Variants in TRIM15 observed in about 807,000 individuals in gnomAD.
TRIM15 encodes the protein tripartite motif containing 15, also known as E3 ubiquitin-protein ligase TRIM15.
Under a neutral mutation model 35.8 loss-of-function variants are expected in TRIM15, and 35 were observed. That is an observed-to-expected ratio of 0.98 (90% CI 0.75 to 1.30). The LOEUF is 1.30. Ranked by LOEUF, TRIM15 falls within the 50% of genes most tolerant of loss-of-function variation. The pLI, the probability that TRIM15 is intolerant of heterozygous loss-of-function variation, is 0.00. For missense variants in TRIM15, 590 were observed against 593.5 expected (o/e 0.99, Z 0.06); for synonymous variants, 252 against 249.8 (o/e 1.01, Z -0.08).
rs1774120561 is a variant in TRIM15 at position 30,172,578 on chromosome 6, A to G, written c.*229A>G. The G allele has an allele frequency of 1.6e-5, 12 of 742,036 alleles. No homozygotes were observed. Among genetic ancestry groups the G allele is most frequent in the Non-Finnish European group, 2.6e-5 (11 of 423,684 alleles). The allele number at this position is 742,036 out of a possible 1,614,324, so 46.0% of individuals were successfully genotyped here. A position where few individuals can be genotyped will look rare whatever the true frequency, so the allele number is the denominator to read the frequency against. ...TGGCCTTCTCTGTACCTCAGAGTGC[A>G]GAACCACAGACGGCTTCGGCTGTGC... On this transcript the variant is annotated 3_prime_UTR_variant, in exon 7 of 7. Transcript: ENST00000376694.
At position 30,172,167 on chromosome 6, in the gene TRIM15, C is replaced by A. The variant is rs745378049; in HGVS notation, c.1216C>A (p.Leu406Met). 1.0e-4 allele frequency: 166 copies of A among 1,600,450 alleles called. No homozygotes were observed. The highest frequency in any genetic ancestry group is 1.4e-4 in the Non-Finnish European group (161 of 1,174,192). The change falls in exon 7 of 7, where the codon CTG becomes ATG. Residue 406 changes from leucine to methionine, a missense_variant. By Grantham distance (15) the Leu-to-Met change is conservative. Transcript: ENST00000376694. The part of the protein sequence containing the change: ...CWASTSPGTD[L>M]PLSEIPRGVR... ...GGCCAGCACCTCCCCGGGCACCGACCTGCCGCTGAGCGAGATCCCGCGCGG... is the reference window on the plus strand; with the variant it reads ...GGCCAGCACCTCCCCGGGCACCGACATGCCGCTGAGCGAGATCCCGCGCGG...
Position 30,168,374 on chromosome 6 carries a change from A to C in TRIM15, c.552A>C (p.Arg184=). ...TGCAGCAGGAGCTGGAGCAGCAGCG[A>C]TGTCTCCTGCTGGCCAGGCTGAGGG... The part of the protein sequence containing the change: ...ERLQQELEQQ[R]CLLLARLREL... The change falls in exon 3 of 7, where the codon CGA becomes CGC. Residue 184 remains arginine, a synonymous_variant. Transcript: ENST00000376694. 14 of 1,613,026 alleles carry C rather than the reference A, an allele frequency of 8.7e-6. No individual in the cohort carries two copies. Among genetic ancestry groups the C allele is most frequent in the Non-Finnish European group, 1.0e-5 (12 of 1,180,026 alleles).
In TRIM15 at chr6:30,163,743, C is replaced by G; in HGVS notation, c.59C>G (p.Ala20Gly). The change falls in exon 1 of 7, where the codon GCG becomes GGG. Residue 20 changes from alanine to glycine, a missense_variant. Physicochemically the swap from Ala to Gly is moderately conservative, Grantham distance 60 (BLOSUM62 0). Transcript: ENST00000376694. ...GAGCTGCCTGCCTGTACCCTCTGTG[C>G]GGGGCCGCTGGAGGATGCGGTGACC... Reference protein sequence around the residue: ...VHELPACTLCAGPLEDAVTIP... With the variant: ...VHELPACTLCGGPLEDAVTIP... 1 of 1,612,866 alleles carries G rather than the reference C, an allele frequency of 6.2e-7. No individual in the cohort carries two copies. Among genetic ancestry groups the G allele is most frequent in the Non-Finnish European group, 8.5e-7 (1 of 1,179,992 alleles).
chr6:30,171,229 G>A (rs1773994872), intron 6 of TRIM15: 2 of 484,850 alleles, frequency 4.1e-6, no homozygotes, highest in Non-Finnish European at 7.2e-6. Flanking sequence ...TGTCCCATAA[G>A]TAGCTGTGAG....
Position 30,168,435 on chromosome 6 carries a change from T to C in TRIM15, c.613T>C (p.Tyr205His). The change falls in exon 3 of 7, where the codon TAT (tyrosine) becomes CAT (histidine). Residue 205 changes from tyrosine to histidine, a missense_variant. By Grantham distance (83) the Tyr-to-His change is moderately conservative. Transcript: ENST00000376694. The part of the protein sequence containing the change: ...EQQIWKERDE[Y>H]ITKVSEEVTR... ...GCAGATTTGGAAGGAGAGGGATGAATATATCACAAAGGTCTCTGAGGAAGT... is the reference window on the plus strand; with the variant it reads ...GCAGATTTGGAAGGAGAGGGATGAACATATCACAAAGGTCTCTGAGGAAGT... 1 of 1,612,424 alleles carries C rather than the reference T, an allele frequency of 6.2e-7. No homozygotes were observed. Among genetic ancestry groups the C allele is most frequent in the Non-Finnish European group, 8.5e-7 (1 of 1,179,756 alleles).
rs1773840988 is a variant in TRIM15, at chr6:30,169,239, A to G, written c.709-2A>G. ...ATGTATGTTCTTGTCTTTCTTTTGC[A>G]GGATGTCAGAGTCAACCAGAGCAGG... is the stretch of plus-strand genomic sequence containing the variant. On this transcript the variant is annotated splice_acceptor_variant, in intron 3 of 6. Coordinates refer to ENST00000376694, the MANE Select transcript of TRIM15 (RefSeq NM_033229.3). LOFTEE classifies it high-confidence loss of function. 1 of 1,613,206 alleles carries G rather than the reference A, an allele frequency of 6.2e-7. No homozygotes were observed. Among genetic ancestry groups the G allele is most frequent in the Non-Finnish European group, 8.5e-7 (1 of 1,180,028 alleles).
intron 3 of TRIM15, 66 bp downstream of exon 3, chr6:30,168,596 T>G: frequency 6.9e-7 from 1 of 1,441,280 alleles, no homozygotes; most frequent in Non-Finnish European, 9.5e-7. Context: ...GTGGGCACCA[T>G]GCTTTGGGCT....
chr6:30,164,156 G>C (rs757929472), intron 1 of TRIM15, 91 bp downstream of exon 1: 2 of 1,505,238 alleles, frequency 1.3e-6, no homozygotes, highest in South Asian at 1.3e-5. Context: ...TGGATGAAAG[G>C]CTTCCACATC....
At chr6:30,169,192 A>T in intron 3 of TRIM15, 49 bp from the exon 4 acceptor site, 1 of 1,611,480 alleles carries the variant, frequency 6.2e-7, no homozygotes, top group South Asian at 1.1e-5. Flanking sequence ...AATCCCTGAC[A>T]GGAAGGACTT....
In TRIM15 at chr6:30,172,318, A is replaced by C; in HGVS notation, c.1367A>C (p.Lys456Thr). The C allele has an allele frequency of 6.2e-7, 1 of 1,611,922 alleles. No homozygotes were observed. Among genetic ancestry groups the C allele is most frequent in the South Asian group, 1.1e-5 (1 of 90,984 alleles). The change falls in exon 7 of 7, where the codon AAA (lysine) becomes ACA (threonine). Residue 456 changes from lysine to threonine, a missense_variant. Transcript: ENST00000376694. ...GKVFPFFAVW[K>T]KGSCLTLKG is the part of the protein sequence containing the mutation. Reference sequence around the variant, plus strand: ...GTCTTCCCTTTCTTTGCCGTCTGGAAAAAAGGTTCCTGCCTTACGCTGAAA... The same window carrying C: ...GTCTTCCCTTTCTTTGCCGTCTGGACAAAAGGTTCCTGCCTTACGCTGAAA...
rs189710513 is a variant in TRIM15 at position 30,166,003 on chromosome 6, G to T, written c.382-1173G>T. Among the ~76,000 whole-genome samples, 5 of 152,216 alleles carry T rather than the reference G, an allele frequency of 3.3e-5. No homozygotes were observed. The East Asian group carries it at 9.7e-4, about 29-fold the overall frequency. ...AGTTCTTTGTAGATTTTGGATATTA[G>T]CCCTTTGTCAGATGGATAGATTGCA... On this transcript the variant is annotated intron_variant, in intron 1 of 6. Transcript: ENST00000376694.
chr6:30,165,082 A>G (rs1773497455), intron 1 of TRIM15, among the ~76,000 whole-genome samples: 1 of 151,234 alleles, frequency 6.6e-6, no homozygotes, highest in Non-Finnish European at 1.5e-5. Flanking sequence ...TTTTAAGTAT[A>G]CAATTCAGGG....
At chr6:30,167,459 T>G (rs573810618) in intron 2 of TRIM15, among the ~76,000 whole-genome samples, 188 bp downstream of exon 2, 68 of 152,346 alleles carry the variant, frequency 4.5e-4, no homozygotes, top group South Asian at 1.0e-3. Context: ...TCTGATGTCT[T>G]GCAATCCAAG....
Position 30,163,554 on chromosome 6 carries a change from T to TCTTTCTCTCTCTGTCTC in TRIM15, c.-131_-130insCTTTCTCTCTCTGTCTC. 8.8e-7 allele frequency: 1 copy of TCTTTCTCTCTCTGTCTC among 1,136,860 alleles called. No homozygotes were observed. The highest frequency in any genetic ancestry group is 1.2e-6 in the Non-Finnish European group (1 of 850,340). The allele number at this position is 1,136,860 out of a possible 1,614,324, so 70.4% of individuals were successfully genotyped here. A position where few individuals can be genotyped will look rare whatever the true frequency, so the allele number is the denominator to read the frequency against. On this transcript the variant is annotated 5_prime_UTR_variant, in exon 1 of 7. Transcript: ENST00000376694. ...CTGGCATTCTTGCCTCTCTCTCTCTTTCTCTCTCTCTGTCTCTTAGCCTTG... is the reference window on the plus strand; with the variant it reads ...CTGGCATTCTTGCCTCTCTCTCTCTTCTTTCTCTCTCTGTCTCTCTCTCTCTCTGTCTCTTAGCCTTG...
At chr6:30,166,698 A>G (rs533480287) in intron 1 of TRIM15, among the ~76,000 whole-genome samples, 18 of 152,138 alleles carry the variant, frequency 1.2e-4, no homozygotes, top group African/African-American at 4.3e-4. Context: ...TTTGGGCAGT[A>G]TGGCCATTTT....
chr6:30,164,395 G>A (rs1211918403), intron 1 of TRIM15, among the ~76,000 whole-genome samples: 1 of 152,148 alleles, frequency 6.6e-6, no homozygotes, highest in South Asian at 2.1e-4. Context: ...GGGTAAACTT[G>A]TTCTCCCAGG....
chr6:30,172,269 T>C lies in TRIM15; in HGVS notation c.1318T>C (p.Phe440Leu), dbSNP rs541125510. ...NAQTQEPIFT[F>L]TASFSGKVFP... ...CCAGACCCAGGAGCCCATCTTCACC[T>C]TCACTGCCTCTTTCTCCGGCAAAGT... Residue 440 changes from phenylalanine to leucine, a missense_variant, in exon 7 of 7, where the codon TTC becomes CTC. Physicochemically the swap from Phe to Leu is conservative, Grantham distance 22. Coordinates refer to ENST00000376694, the MANE Select transcript of TRIM15 (RefSeq NM_033229.3). 9.3e-6 allele frequency: 15 copies of C among 1,612,902 alleles called. No individual in the cohort carries two copies. The Admixed American group carries it at 2.2e-4, about 23-fold the overall frequency.
rs1351659184 is a variant in TRIM15 at position 30,168,308 on chromosome 6, C to T, written c.486C>T (p.Ile162=). The change falls in exon 3 of 7, where the codon ATC becomes ATT. Residue 162 remains isoleucine, a synonymous_variant. Coordinates refer to ENST00000376694, the MANE Select transcript of TRIM15 (RefSeq NM_033229.3). ...DQKLQVLLTQ[I]ESKKHQVETA... is the part of the protein sequence containing the mutation. ...CCTTTTATCCCTTGAAGACTCAGAT[C>T]GAAAGCAAGAAGCATCAGGTGGAAA... 9.3e-6 allele frequency: 15 copies of T among 1,612,388 alleles called. No individual in the cohort carries two copies. The African/African-American group carries it at 1.6e-4, about 17-fold the overall frequency.
Position 30,172,219 on chromosome 6 carries a change from C to G in TRIM15, c.1268C>G (p.Ala423Gly). The G allele has an allele frequency of 1.2e-6, 2 of 1,611,860 alleles. No homozygotes were observed. Among genetic ancestry groups the G allele is most frequent in the Non-Finnish European group, 8.5e-7 (1 of 1,179,588 alleles). ...GTGAGAGTCGCCCTGGACTACGAGG[C>G]GGGGCAGGTGACCCTCCACAACGCC... ...RGVRVALDYE[A>G]GQVTLHNAQT... The change falls in exon 7 of 7, where the codon GCG becomes GGG. Residue 423 changes from alanine (A) to glycine (G), a missense_variant. By Grantham distance (60) the Ala-to-Gly change is moderately conservative (BLOSUM62 0). Coordinates refer to ENST00000376694, the MANE Select transcript of TRIM15 (RefSeq NM_033229.3).
Sources: gnomAD v4.1 joint callset for allele counts (sites outside exome capture counted in the v4.1 genomes callset) on GRCh38, gnomAD v4.1.1 for gene constraint, MANE v1.5 for transcripts, NCBI Gene and HGNC (gene_info 2026-07-23, HGNC 2026-07-21) for gene names.